Variants in CARD19 observed in about 807,000 individuals in gnomAD.
The protein encoded by CARD19 is caspase recruitment domain family member 19, also known as caspase recruitment domain-containing protein 19.
Under a neutral mutation model 24.1 loss-of-function variants are expected in CARD19, and 25 were observed. The ratio of observed to expected loss-of-function variants is 1.04; its 90% CI spans 0.76 to 1.45. The LOEUF (loss-of-function observed/expected upper bound fraction) is 1.45, where lower values mean the gene tolerates loss of function less well. Among genes scored for constraint, CARD19 ranks in the 40% most tolerant of loss-of-function variants. The probability of loss-of-function intolerance (pLI) is 0.00; values close to 1 mark genes in which losing one functional copy is unlikely to be tolerated. For missense variants in CARD19, 241 were observed against 247.4 expected (o/e 0.97, Z 0.17); for synonymous variants, 103 against 104.9 (o/e 0.98, Z 0.11).
chr9:93,099,275 C>A (rs1368278812), intron 1 of CARD19, among the ~76,000 whole-genome samples: 2 of 152,174 alleles, frequency 1.3e-5, no homozygotes, highest in African/African-American at 4.8e-5. Flanking sequence ...GTGGGCAATG[C>A]TGGAGAGGAC....
chr9:93,112,009 C>T (rs1217902458), intron 4 of CARD19, 71 bp downstream of exon 4: 14 of 1,541,720 alleles, frequency 9.1e-6, no homozygotes, highest in African/African-American at 1.4e-5. Flanking sequence ...CCCAGGGCTC[C>T]ATCTCCGCCT....
At chr9:93,108,957 T>A (rs558821291) in intron 2 of CARD19, 1 of 152,356 alleles carries the variant, frequency 6.6e-6, no homozygotes, top group African/African-American at 2.4e-5. Flanking sequence ...TCTGTGGCTC[T>A]GGCGCCCCCA....
intron 2 of CARD19, 41 bp from the exon 3 acceptor site, chr9:93,110,527 C>A: frequency 1.3e-6 from 2 of 1,558,752 alleles, no homozygotes; most frequent in South Asian, 2.4e-5. Context: ...ACAGCCAGCC[C>A]CCCTGGCCTG....
chr9:93,098,515 C>A (rs1483126548), intron 1 of CARD19, among the ~76,000 whole-genome samples: 1 of 152,170 alleles, frequency 6.6e-6, no homozygotes, highest in African/African-American at 2.4e-5. Context: ...GGATGTAGGG[C>A]GTGGTGAAGG....
chr9:93,109,483 T>TC lies in CARD19; in HGVS notation c.151-1085_151-1084insC, dbSNP rs202066169. Among the ~76,000 whole-genome samples the TC allele has an allele frequency of 2.3e-3, 351 of 150,968 alleles. 2 individuals carry two copies. Among genetic ancestry groups the TC allele is most frequent in the African/African-American group, 8.2e-3 (338 of 41,452 alleles). On this transcript the variant is annotated intron_variant, in intron 2 of 5. Coordinates refer to ENST00000375464, the MANE Select transcript of CARD19 (RefSeq NM_032310.5). Reference sequence around the variant, plus strand: ...CCAATACTTCTGTCTTTTTTTTTTTTTCTTTGAGATGGAGTCTCTGTCGCC... The same window carrying TC: ...CCAATACTTCTGTCTTTTTTTTTTTTCTCTTTGAGATGGAGTCTCTGTCGCC...
rs56089144 is a variant in CARD19 at position 93,105,197 on chromosome 9, CGTGTGTGT to C, written c.8-2460_8-2453del. 2.5e-3 allele frequency among the ~76,000 whole-genome samples: 370 copies of C among 150,164 alleles called. 2 individuals carry two copies. The highest frequency in any genetic ancestry group is 0.011 in the South Asian group (52 of 4,760). ...GTGTGTGCACGCGCGTGTGTGTGTG[CGTGTGTGT>C]GTGTGTGTGTGTGTGTTTCTGCCTT... is the stretch of plus-strand genomic sequence containing the variant. On this transcript the variant is annotated intron_variant, in intron 1 of 5. Transcript: ENST00000375464.
In CARD19 at chr9:93,099,833, C is replaced by T. The variant is rs147255782; in HGVS notation, c.7+3481C>T. On this transcript the variant is annotated intron_variant, in intron 1 of 5. Transcript: ENST00000375464. ...GCCCCCAGCCATCTGCCTCCCTGCG[C>T]GGCCCACGGTGAGTGGCTTCAGCCA... Among the ~76,000 whole-genome samples, 474 of 152,352 alleles carry T rather than the reference C, an allele frequency of 3.1e-3. 2 individuals are homozygous for T. Among genetic ancestry groups the T allele is most frequent in the Admixed American group, 6.5e-3 (99 of 15,312 alleles).
chr9:93,100,643 T>C (rs1447921237), intron 1 of CARD19, among the ~76,000 whole-genome samples: 2 of 152,064 alleles, frequency 1.3e-5, no homozygotes, highest in African/African-American at 4.8e-5. Flanking sequence ...TGTTGTGTAG[T>C]CATCACCACT....
chr9:93,104,118 T>C (rs1400358850), intron 1 of CARD19, among the ~76,000 whole-genome samples: 1 of 152,254 alleles, frequency 6.6e-6, no homozygotes, highest in Non-Finnish European at 1.5e-5. Context: ...ATTTCATTGA[T>C]TGATTTTTGA....
chr9:93,112,818 G>A (rs1827552274), intron 5 of CARD19, among the ~76,000 whole-genome samples, 174 bp from the exon 6 acceptor site: 1 of 152,212 alleles, frequency 6.6e-6, no homozygotes, highest in Non-Finnish European at 1.5e-5. Flanking sequence ...GTGGGAGCTG[G>A]GGGCTCTGGA....
chr9:93,107,876 T>C, intron 2 of CARD19, 60 bp downstream of exon 2: 1 of 1,602,934 alleles, frequency 6.2e-7, no homozygotes, highest in South Asian at 1.1e-5. Flanking sequence ...CTTTCTGGGC[T>C]GGGAGAAGCT....
At chr9:93,106,209 A>G (rs944945437) in intron 1 of CARD19, among the ~76,000 whole-genome samples, 1 of 151,942 alleles carries the variant, frequency 6.6e-6, no homozygotes, top group African/African-American at 2.4e-5. Context: ...CTTTAGATCT[A>G]AAGTGAGTCT....
intron 2 of CARD19, chr9:93,109,128 TAA>T (rs1827368605): frequency 6.6e-6 from 1 of 152,262 alleles, no homozygotes. Flanking sequence ...ACAGTAATTT[TAA>T]AAGTTAGGAG....
intron 3 of CARD19, 145 bp downstream of exon 3, chr9:93,110,866 C>T: frequency 6.5e-7 from 1 of 1,533,444 alleles, no homozygotes; most frequent in Non-Finnish European, 8.7e-7. Flanking sequence ...TCAGCCCCTC[C>T]CCAGAGGCCA....
intron 1 of CARD19, among the ~76,000 whole-genome samples, chr9:93,097,036 C>T (rs1826896384): frequency 6.6e-6 from 1 of 152,230 alleles, no homozygotes; most frequent in Non-Finnish European, 1.5e-5. Context: ...GGGACCTGCC[C>T]ACCATCCTCC....
chr9:93,096,407 C>T lies in CARD19; in HGVS notation c.7+55C>T. 5 of 1,220,884 alleles carry T rather than the reference C, an allele frequency of 4.1e-6. No homozygotes were observed. The highest frequency in any genetic ancestry group is 3.2e-5 in the East Asian group (1 of 31,036). 75.6% of individuals were successfully genotyped at this position (1,220,884 alleles called of 1,614,324 possible). A position where few individuals can be genotyped will look rare whatever the true frequency, so the allele number is the denominator to read the frequency against. On this transcript the variant is annotated intron_variant, in intron 1 of 5. Coordinates refer to ENST00000375464, the MANE Select transcript of CARD19 (RefSeq NM_032310.5). This position sits in a 1 kb window ranked among gnomAD's most constrained non-coding sequence, Gnocchi z 5.4. ...ATGCGGGCGCCCTGGATGGGTGGCC[C>T]GGCCCGGGGGTCCGGCTGCCTTGCG...
In CARD19 at chr9:93,101,921, G is replaced by T. The variant is rs139331403; in HGVS notation, c.7+5569G>T. 4.7e-5 allele frequency among the ~76,000 whole-genome samples: 7 copies of T among 148,994 alleles called. No homozygotes were observed. The East Asian group carries it at 1.4e-3, about 29-fold the overall frequency. Reference sequence around the variant, plus strand: ...GAGTACGAAGTGATATCTCATTGTGGTTTTTATTTGAATTTCCTTAATGAC... The same window carrying T: ...GAGTACGAAGTGATATCTCATTGTGTTTTTTATTTGAATTTCCTTAATGAC... On this transcript the variant is annotated intron_variant, in intron 1 of 5. Coordinates refer to ENST00000375464, the MANE Select transcript of CARD19 (RefSeq NM_032310.5).
rs950617927 is a variant in CARD19, at chr9:93,110,973, G to C, written c.304+252G>C. On this transcript the variant is annotated intron_variant, in intron 3 of 5. Transcript: ENST00000375464. ...CCCCCTTCCTCCGTCTCTCTCTCAT[G>C]GCAGTTTTCACACAGCATGGGGCAT... 2.0e-6 allele frequency: 3 copies of C among 1,515,366 alleles called. No homozygotes were observed. In the African/African-American group the frequency reaches 4.1e-5, roughly 21 times the overall value. The allele number at this position is 1,515,366 out of a possible 1,614,324, so 93.9% of individuals were successfully genotyped here. A position where few individuals can be genotyped will look rare whatever the true frequency, so the allele number is the denominator to read the frequency against.
intron 1 of CARD19, among the ~76,000 whole-genome samples, chr9:93,105,199 T>C (rs201291325): frequency 2.5e-3 from 2 of 792 alleles, no homozygotes; most frequent in African/African-American, 8.3e-3. Flanking sequence ...TGTGTGTGCG[T>C]GTGTGTGTGT....
Sources: gnomAD v4.1 joint callset for allele counts (sites outside exome capture counted in the v4.1 genomes callset) on GRCh38, gnomAD v4.1.1 for gene constraint, Gnocchi (gnomAD v3.1) non-coding constraint, MANE v1.5 for transcripts, NCBI Gene and HGNC (gene_info 2026-07-23, HGNC 2026-07-21) for gene names.